Variants in PCLO observed in about 807,000 individuals in gnomAD.
PCLO encodes the protein protein piccolo.
In PCLO, 82 loss-of-function variants were observed where a neutral mutation model predicts 427.5. That is an observed-to-expected ratio of 0.19 (90% CI 0.16 to 0.23). The LOEUF is 0.23. Ranked by LOEUF, PCLO falls within the 10% of genes least tolerant of loss-of-function variation. The pLI, the probability that PCLO is intolerant of heterozygous loss-of-function variation, is 1.00. For synonymous variants in PCLO, 2,357 were observed against 2,155.4 expected (o/e 1.09, Z -2.59); for missense variants, 6,239 against 6,115.9 (o/e 1.02, Z -0.67).
intron 3 of PCLO, among the ~76,000 whole-genome samples, chr7:83,128,988 A>G (rs1791508059): frequency 6.6e-6 from 1 of 152,144 alleles, no homozygotes; most frequent in African/African-American, 2.4e-5. Context: ...TGTTATGCAT[A>G]TATTTACAAA....
intron 22 of PCLO, among the ~76,000 whole-genome samples, chr7:82,762,930 T>C (rs1407331107): frequency 6.6e-6 from 1 of 151,904 alleles, no homozygotes; most frequent in East Asian, 1.9e-4. Context: ...ACATGAGCCA[T>C]ACTGTACCTC....
At chr7:82,762,180 A>T (rs1790445475) in intron 22 of PCLO, among the ~76,000 whole-genome samples, 1 of 152,074 alleles carries the variant, frequency 6.6e-6, no homozygotes, top group African/African-American at 2.4e-5. Context: ...AATTATAAAA[A>T]GAGGAAAGGT....
At chr7:83,153,650 G>A (rs958139012) in intron 2 of PCLO, among the ~76,000 whole-genome samples, 3 of 152,056 alleles carry the variant, frequency 2.0e-5, no homozygotes, top group African/African-American at 7.2e-5. Flanking sequence ...TGATTTCTGT[G>A]CCTTCTCATT....
rs1344874967 is a variant in PCLO, at chr7:82,954,578, G to C, written c.6375C>G (p.Leu2125=). 1 of 1,613,822 alleles carries C rather than the reference G, an allele frequency of 6.2e-7. No individual in the cohort carries two copies. The highest frequency in any genetic ancestry group is 1.3e-5 in the African/African-American group (1 of 74,924). ...SLTDSTSSAT[L]SIPDVKITQH... ...GGGTTATTTTAACATCTGGGATAGA[G>C]AGTGTTGCACTGCTGGTCGAATCTG... is the stretch of plus-strand genomic sequence containing the variant. The change falls in exon 5 of 25, where the codon CTC becomes CTG. Residue 2125 remains leucine (L), a synonymous_variant. Coordinates refer to ENST00000333891, the MANE Select transcript of PCLO (RefSeq NM_033026.6).
chr7:83,026,296 G>A (rs1788495400), intron 3 of PCLO, among the ~76,000 whole-genome samples: 3 of 152,044 alleles, frequency 2.0e-5, no homozygotes, highest in Admixed American at 6.6e-5. Context: ...AAAGGCAGGG[G>A]TTGCAATCCC....
intron 2 of PCLO, among the ~76,000 whole-genome samples, chr7:83,146,292 C>A (rs938663341): frequency 1.3e-5 from 2 of 152,152 alleles, no homozygotes; most frequent in Non-Finnish European, 2.9e-5. Context: ...AGAACTAGGA[C>A]CAGAACCCAT....
intron 6 of PCLO, among the ~76,000 whole-genome samples, chr7:82,919,342 G>T (rs551807760): frequency 6.6e-6 from 1 of 152,074 alleles, no homozygotes; most frequent in East Asian, 1.9e-4. Flanking sequence ...AAGCCTGCAG[G>T]AGCCAGAAGG....
chr7:83,094,061 T>C (rs1790463930), intron 3 of PCLO, among the ~76,000 whole-genome samples: 1 of 151,892 alleles, frequency 6.6e-6, no homozygotes, highest in South Asian at 2.1e-4. Flanking sequence ...GTTGCTTTTT[T>C]ATAGCCATAC....
intron 3 of PCLO, among the ~76,000 whole-genome samples, chr7:83,097,419 G>A (rs886920928): frequency 5.5e-5 from 8 of 145,720 alleles, no homozygotes; most frequent in Non-Finnish European, 9.0e-5. Context: ...CTACTCGGGA[G>A]GCTGAGGCAG....
intron 6 of PCLO, among the ~76,000 whole-genome samples, chr7:82,935,878 TG>T (rs1486234743): frequency 6.6e-6 from 1 of 151,706 alleles, no homozygotes; most frequent in African/African-American, 2.4e-5. Context: ...TCAACCTTTC[TG>T]GAACTCTGGA....
intron 3 of PCLO, among the ~76,000 whole-genome samples, chr7:83,131,458 G>C (rs1261758138): frequency 6.6e-6 from 1 of 152,018 alleles, no homozygotes; most frequent in Non-Finnish European, 1.5e-5. Flanking sequence ...AAAATATGAC[G>C]AGCTCTTCTC....
rs753571154 is a variant in PCLO, at chr7:82,952,196, C to T, written c.8757G>A (p.Val2919=). Residue 2919 remains valine, a synonymous_variant, in exon 5 of 25, where the codon GTG becomes GTA. Transcript: ENST00000333891. ...VVTMDESTSS[V]MTKIIEDEKP... ...TTTCATCTTCTATTATTTTGGTCAT[C>T]ACACTTGAAGTAGACTCATCCATTG... 1 of 1,613,718 alleles carries T rather than the reference C, an allele frequency of 6.2e-7. No homozygotes were observed. Among genetic ancestry groups the T allele is most frequent in the Non-Finnish European group, 8.5e-7 (1 of 1,179,836 alleles).
chr7:82,815,590 A>C (rs1401561299), intron 20 of PCLO, among the ~76,000 whole-genome samples: 2 of 152,116 alleles, frequency 1.3e-5, no homozygotes, highest in African/African-American at 4.8e-5. Context: ...AATGAGGAAA[A>C]GTGAATTTTG....
In PCLO at chr7:82,950,210, T is replaced by A. The variant is rs1488927067; in HGVS notation, c.10378A>T (p.Arg3460Trp). Residue 3460 changes from arginine (R) to tryptophan (W), a missense_variant, in exon 6 of 25, where the codon AGG becomes TGG. Arg to Trp is a moderately radical substitution (Grantham distance 101). This residue lies in a region of PCLO where 4,677 missense variants were observed against 4,468.4 expected (regional missense o/e 1.05). Transcript: ENST00000333891. ...EDATDRSYVSRRRRTKKSVDT... is the reference protein window; with the variant it reads ...EDATDRSYVSWRRRTKKSVDT... ...ACACTCTTTTTAGTTCTCCTTCTCC[T>A]ACTCACATAGCTCCGATCTGTGGCA... 3 of 1,612,352 alleles carry A rather than the reference T, an allele frequency of 1.9e-6. No individual in the cohort carries two copies. The African/African-American group carries it at 4.0e-5, about 22-fold the overall frequency.
intron 3 of PCLO, among the ~76,000 whole-genome samples, chr7:83,120,151 C>A (rs999100141): frequency 2.4e-4 from 36 of 151,732 alleles, no homozygotes; most frequent in African/African-American, 8.2e-4. Context: ...GCCTGTAATC[C>A]CAGAGCTTTG....
chr7:83,146,961 A>G (rs992824854), intron 2 of PCLO, among the ~76,000 whole-genome samples: 17 of 152,016 alleles, frequency 1.1e-4, no homozygotes, highest in African/African-American at 4.1e-4. Context: ...GTTCCTATCA[A>G]GCTACTAATA....
intron 3 of PCLO, among the ~76,000 whole-genome samples, chr7:83,044,957 A>T (rs1789069015): frequency 6.6e-6 from 1 of 152,148 alleles, no homozygotes; most frequent in African/African-American, 2.4e-5. Context: ...AATAAAGTCA[A>T]TCTTCCTAAC....
At chr7:82,989,669 A>T (rs1470853186) in intron 3 of PCLO, among the ~76,000 whole-genome samples, 1 of 152,156 alleles carries the variant, frequency 6.6e-6, no homozygotes, top group African/African-American at 2.4e-5. Context: ...ATTTTAGGTA[A>T]AACATTTATA....
chr7:82,925,642 G>T (rs1315457871), intron 6 of PCLO, among the ~76,000 whole-genome samples: 1 of 150,252 alleles, frequency 6.7e-6, no homozygotes, highest in Non-Finnish European at 1.5e-5. Flanking sequence ...TCTATCCTCT[G>T]CTTCTACCCT....
Sources: gnomAD v4.1 joint callset for allele counts (sites outside exome capture counted in the v4.1 genomes callset) on GRCh38, gnomAD v4.1.1 for gene constraint, gnomAD v4.1.1 regional missense constraint, MANE v1.5 for transcripts, NCBI Gene and HGNC (gene_info 2026-07-23, HGNC 2026-07-21) for gene names.